The following BICC1 variants were observed in gnomAD, a reference collection of about 807,000 sequenced individuals.
The protein encoded by BICC1 is BicC family RNA binding protein 1.
In BICC1, 43 loss-of-function variants were observed where a neutral mutation model predicts 111.0. That is an observed-to-expected ratio of 0.39 (90% confidence interval 0.30 to 0.50). The LOEUF (loss-of-function observed/expected upper bound fraction) is 0.50, where lower values mean the gene tolerates loss of function less well. Ranked by LOEUF, BICC1 falls within the 20% of genes least tolerant of loss-of-function variation. BICC1 has a pLI of 0.88. For missense variants in BICC1, 1,091 were observed against 1,203.2 expected (o/e 0.91, Z 1.38); for synonymous variants, 467 against 434.4 (o/e 1.07, Z -0.93).
At chr10:58,589,742 T>C (rs1214356653) in intron 1 of BICC1, among the ~76,000 whole-genome samples, 3 of 152,122 alleles carry the variant, frequency 2.0e-5, no homozygotes, top group African/African-American at 7.2e-5. Context: ...CCCAAAACAA[T>C]AGGATTACAG....
chr10:58,695,890 G>T (rs1403800438), intron 2 of BICC1, among the ~76,000 whole-genome samples: 1 of 152,134 alleles, frequency 6.6e-6, no homozygotes, highest in Non-Finnish European at 1.5e-5. Context: ...TATCATGGAT[G>T]AAACTACTTG....
intron 3 of BICC1, among the ~76,000 whole-genome samples, chr10:58,731,312 G>A (rs1463865221): frequency 6.6e-6 from 1 of 152,150 alleles, no homozygotes; most frequent in African/African-American, 2.4e-5. Flanking sequence ...GTCACTACCA[G>A]CGTTTTAGTT....
At chr10:58,553,200 A>G (rs73300526) in intron 1 of BICC1, among the ~76,000 whole-genome samples, 3,874 of 152,224 alleles carry the variant, frequency 0.025, 177 homozygotes, top group African/African-American at 0.089. Flanking sequence ...CTGTGTTACC[A>G]TGGCAAGGGG....
intron 18 of BICC1, among the ~76,000 whole-genome samples, chr10:58,815,801 T>C (rs1432811115): frequency 6.6e-6 from 1 of 152,206 alleles, no homozygotes; most frequent in Admixed American, 6.5e-5. Context: ...TTGTTAATAA[T>C]TTAACATATG....
At chr10:58,818,095 C>A (rs1390884925) in intron 19 of BICC1, among the ~76,000 whole-genome samples, 3 of 152,118 alleles carry the variant, frequency 2.0e-5, no homozygotes, top group Non-Finnish European at 4.4e-5. Context: ...TTATTTGTGG[C>A]ACTTAAAAGT....
intron 10 of BICC1, among the ~76,000 whole-genome samples, chr10:58,796,940 A>AG (rs531261527): frequency 3.4e-5 from 5 of 148,086 alleles, no homozygotes; most frequent in Non-Finnish European, 6.0e-5. Flanking sequence ...AGGGGTGGGG[A>AG]GGGGGGTGAA....
intron 1 of BICC1, among the ~76,000 whole-genome samples, chr10:58,608,200 ACTACTC>A (rs555817146): frequency 9.2e-5 from 14 of 152,070 alleles, no homozygotes; most frequent in Non-Finnish European, 1.9e-4. Context: ...CAACCATAAA[ACTACTC>A]CCCACCTCTC....
intron 1 of BICC1, among the ~76,000 whole-genome samples, chr10:58,618,470 C>T (rs527749751): frequency 1.3e-5 from 2 of 152,328 alleles, no homozygotes; most frequent in South Asian, 2.1e-4. Flanking sequence ...ATATGGCTTG[C>T]GCCTGGGTTG....
chr10:58,774,361 G>A (rs1842695754), intron 3 of BICC1, among the ~76,000 whole-genome samples: 1 of 152,160 alleles, frequency 6.6e-6, no homozygotes, highest in South Asian at 2.1e-4. Context: ...CAATTTTTAA[G>A]GGAATTCTTG....
At chr10:58,540,870 G>A (rs1239227259) in intron 1 of BICC1, among the ~76,000 whole-genome samples, 1 of 151,866 alleles carries the variant, frequency 6.6e-6, no homozygotes, top group Non-Finnish European at 1.5e-5. Context: ...TGACCAAGTG[G>A]GATTTATTAC....
intron 2 of BICC1, among the ~76,000 whole-genome samples, chr10:58,622,963 G>A (rs1845870368): frequency 6.6e-6 from 1 of 152,098 alleles, no homozygotes; most frequent in Non-Finnish European, 1.5e-5. Context: ...ATGTTTCTTA[G>A]TTTTTACTTT....
At chr10:58,620,927 G>T (rs777135514) in intron 2 of BICC1, 26 bp downstream of exon 2, 1 of 1,605,616 alleles carries the variant, frequency 6.2e-7, no homozygotes, top group East Asian at 2.2e-5. Flanking sequence ...CTCTTGTCAT[G>T]GTGATAAGTA....
intron 1 of BICC1, among the ~76,000 whole-genome samples, chr10:58,609,017 G>T (rs749809070): frequency 6.6e-6 from 1 of 152,152 alleles, no homozygotes; most frequent in African/African-American, 2.4e-5. Flanking sequence ...CTTTAAACAT[G>T]CCTGGAACAC....
chr10:58,755,732 T>C (rs1271759266), intron 3 of BICC1, among the ~76,000 whole-genome samples: 1 of 152,068 alleles, frequency 6.6e-6, no homozygotes, highest in Non-Finnish European at 1.5e-5. Flanking sequence ...TTCTGGAAGA[T>C]GAATTTCAGT....
intron 3 of BICC1, chr10:58,715,708 A>G: frequency 1.3e-6 from 2 of 1,583,284 alleles, no homozygotes; most frequent in South Asian, 1.1e-5. Context: ...GAAAAGAAAA[A>G]GAAAGGTTCC....
chr10:58,664,550 A>G (rs1051580665), intron 2 of BICC1, among the ~76,000 whole-genome samples: 1 of 152,094 alleles, frequency 6.6e-6, no homozygotes, highest in Non-Finnish European at 1.5e-5. Flanking sequence ...TTCCCTTTCT[A>G]TACAGACACA....
chr10:58,780,409 G>A (rs1842853637), intron 3 of BICC1, among the ~76,000 whole-genome samples: 1 of 152,150 alleles, frequency 6.6e-6, no homozygotes, highest in South Asian at 2.1e-4. Flanking sequence ...TACATGCCGA[G>A]GGTGGAAGAC....
chr10:58,811,202 T>C (rs1183164854), intron 17 of BICC1, among the ~76,000 whole-genome samples: 2 of 152,216 alleles, frequency 1.3e-5, no homozygotes, highest in African/African-American at 4.8e-5. Context: ...TGCTTTGACC[T>C]GCAGTAACTG....
intron 15 of BICC1, among the ~76,000 whole-genome samples, chr10:58,804,412 G>T (rs1438019707): frequency 6.6e-6 from 1 of 152,128 alleles, no homozygotes; most frequent in Non-Finnish European, 1.5e-5. Context: ...CCAGCTACTT[G>T]GAGGCCGAGG....
Sources: allele counts gnomAD v4.1 joint callset (sites outside exome capture counted in the v4.1 genomes callset), GRCh38; gene constraint gnomAD v4.1.1; transcripts MANE v1.5; gene names NCBI Gene and HGNC (gene_info 2026-07-23, HGNC 2026-07-21).